PTPRT: variants seen among roughly 807,000 people sequenced by gnomAD.
The protein encoded by PTPRT is protein tyrosine phosphatase receptor type T.
PTPRT carries 56 observed loss-of-function variants against 176.8 expected under a neutral mutation model. The ratio of observed to expected loss-of-function variants is 0.32; its 90% CI spans 0.26 to 0.40. The LOEUF (loss-of-function observed/expected upper bound fraction) is 0.40. PTPRT is among the 10% of genes least tolerant of loss of function. PTPRT has a pLI of 1.00. For missense variants in PTPRT, 1,540 were observed against 1,908.2 expected, an observed-to-expected ratio of 0.81 and a Z score of 3.60; for synonymous variants, 783 against 739.0, an observed-to-expected ratio of 1.06 and a Z score of -0.96.
chr20:42,624,140 C>T (rs560491955), intron 7 of PTPRT, among the ~76,000 whole-genome samples: 96 of 152,120 alleles, frequency 6.3e-4, no homozygotes, highest in Non-Finnish European at 1.3e-3. Context: ...ACTTAACCTA[C>T]CAGCCTTTCA....
intron 1 of PTPRT, among the ~76,000 whole-genome samples, chr20:43,156,502 T>C (rs1343096900): frequency 1.3e-5 from 2 of 152,162 alleles, no homozygotes; most frequent in Non-Finnish European, 2.9e-5. Context: ...GGATGACTAA[T>C]TGGCATCTTG....
At position 42,102,166 on chromosome 20, in the gene PTPRT, C is replaced by T; in HGVS notation, c.3672G>A (p.Val1224=). The part of the protein sequence containing the change: ...LDRCLPFLIS[V]DGESSNYINA... ...TGATGTAATTGCTGGATTCTCCGTC[C>T]ACTGAGATAAGGAAGGGCAGGCAGC... The change falls in exon 26 of 31, where the codon GTG becomes GTA. Residue 1224 remains valine, a synonymous_variant. Transcript: ENST00000373187. 1 of 1,614,168 alleles carries T rather than the reference C, an allele frequency of 6.2e-7. No homozygotes were observed. The highest frequency in any genetic ancestry group is 8.5e-7 in the Non-Finnish European group (1 of 1,180,022).
Position 42,512,488 on chromosome 20 carries a change from A to G in PTPRT, c.1154-39926T>C, listed in dbSNP as rs907582905. Among the ~76,000 whole-genome samples, 51 of 152,176 alleles carry G rather than the reference A, an allele frequency of 3.4e-4. 1 individual carries two copies. The highest frequency in any genetic ancestry group is 1.2e-3 in the African/African-American group (50 of 41,448). On this transcript the variant is annotated intron_variant, in intron 7 of 30. Transcript: ENST00000373187. ...CTTGTCCCATTTTAATTGCTGAGTAATATTCCAACATGAGGATGTACCACA... is the reference window on the plus strand; with the variant it reads ...CTTGTCCCATTTTAATTGCTGAGTAGTATTCCAACATGAGGATGTACCACA...
At chr20:43,005,238 T>C (rs771233657) in intron 1 of PTPRT, among the ~76,000 whole-genome samples, 1 of 152,180 alleles carries the variant, frequency 6.6e-6, no homozygotes, top group Non-Finnish European at 1.5e-5. Context: ...CCGATTCTAA[T>C]GGCCCACGAA....
At chr20:42,095,413 CCT>C (rs1985100498) in intron 27 of PTPRT, among the ~76,000 whole-genome samples, 1 of 152,190 alleles carries the variant, frequency 6.6e-6, no homozygotes, top group Non-Finnish European at 1.5e-5. Flanking sequence ...CTGTGCTGTT[CCT>C]CAAGGGCACC....
intron 6 of PTPRT, among the ~76,000 whole-genome samples, chr20:42,715,478 A>T (rs906182263): frequency 2.3e-4 from 35 of 152,200 alleles, no homozygotes; most frequent in Non-Finnish European, 4.9e-4. Flanking sequence ...AAATAAAAAT[A>T]AAAATCTGAT....
rs369230837 is a variant in PTPRT at position 42,791,317 on chromosome 20, C to T, written c.364G>A (p.Val122Ile). 43 of 1,614,078 alleles carry T rather than the reference C, an allele frequency of 2.7e-5. No homozygotes were observed. Among genetic ancestry groups the T allele is most frequent in the South Asian group, 7.7e-5 (7 of 91,088 alleles). ...RDRSSPGALNVYVKVNGGPQG... is the reference protein window; with the variant it reads ...RDRSSPGALNIYVKVNGGPQG... ...GGGCCACCATTCACCTTCACGTAGA[C>T]GTTCAAGGCCCCTGGGCTGGACCTG... Residue 122 changes from valine (V) to isoleucine (I), a missense_variant, in exon 3 of 31, where the codon GTC (valine) becomes ATC (isoleucine). This residue lies in a region of PTPRT where 273 missense variants were observed against 432.1 expected (regional missense o/e 0.63). Coordinates refer to ENST00000373187, the MANE Select transcript of PTPRT (RefSeq NM_007050.6).
chr20:42,764,987 G>C (rs553390532), intron 5 of PTPRT, among the ~76,000 whole-genome samples: 2 of 152,182 alleles, frequency 1.3e-5, no homozygotes, highest in Non-Finnish European at 2.9e-5. Context: ...TGGGCGAACC[G>C]GCTGCAGTAA....
intron 1 of PTPRT, among the ~76,000 whole-genome samples, chr20:43,090,331 C>G (rs566566847): frequency 9.3e-5 from 14 of 150,342 alleles, no homozygotes; most frequent in Admixed American, 2.6e-4. Context: ...GCAGTGGCGC[C>G]ATCTCAGCTC....
chr20:42,595,851 C>T (rs567407517), intron 7 of PTPRT, among the ~76,000 whole-genome samples: 30 of 152,306 alleles, frequency 2.0e-4, no homozygotes, highest in African/African-American at 6.7e-4. Context: ...TGCCTAGAGA[C>T]AAGGCTGCCC....
At chr20:42,616,945 C>G (rs62203827) in intron 7 of PTPRT, among the ~76,000 whole-genome samples, 2,276 of 129,808 alleles carry the variant, frequency 0.018, 155 homozygotes, top group Middle Eastern at 0.071. Flanking sequence ...TCTCCTGCCT[C>G]ATTGCCCTGG....
At chr20:42,113,232 CAAAGAA>C (rs1170389676) in intron 22 of PTPRT, among the ~76,000 whole-genome samples, 6 of 152,196 alleles carry the variant, frequency 3.9e-5, no homozygotes, top group Non-Finnish European at 8.8e-5. Flanking sequence ...GTTTAAAAGA[CAAAGAA>C]AATGTAACAC....
chr20:42,268,924 T>C (rs1032361129), intron 13 of PTPRT, among the ~76,000 whole-genome samples: 5 of 152,154 alleles, frequency 3.3e-5, no homozygotes, highest in African/African-American at 9.7e-5. Flanking sequence ...ATACCTCCCT[T>C]CCTAGAGAAG....
intron 2 of PTPRT, among the ~76,000 whole-genome samples, chr20:42,841,664 C>G (rs2078281417): frequency 6.9e-6 from 1 of 145,890 alleles, no homozygotes; most frequent in Non-Finnish European, 1.5e-5. Flanking sequence ...CACACATAAT[C>G]TCTCTCTCCA....
Position 42,735,680 on chromosome 20 carries a change from C to A in PTPRT, c.859+20782G>T, listed in dbSNP as rs142983591. ...AAGAGCAATTAGAACAGAAGTCTCC[C>A]AAGAATCGCAAGGAAGGCAGTGGCT... On this transcript the variant is annotated intron_variant, in intron 6 of 30. Transcript: ENST00000373187. Among the ~76,000 whole-genome samples the A allele has an allele frequency of 3.4e-4, 52 of 152,188 alleles. No individual in the cohort carries two copies. The East Asian group carries it at 9.7e-3, about 28-fold the overall frequency.
chr20:42,833,989 C>T (rs997681688), intron 2 of PTPRT, among the ~76,000 whole-genome samples: 2 of 151,968 alleles, frequency 1.3e-5, no homozygotes, highest in African/African-American at 2.4e-5. Context: ...GTGTCATCAT[C>T]CATAAAAGTA....
intron 19 of PTPRT, among the ~76,000 whole-genome samples, chr20:42,126,622 C>G (rs1568953916): frequency 6.6e-6 from 1 of 152,156 alleles, no homozygotes; most frequent in Non-Finnish European, 1.5e-5. Flanking sequence ...CCTTTCCCAC[C>G]AACTTGAAGC....
intron 1 of PTPRT, among the ~76,000 whole-genome samples, chr20:43,072,561 A>G (rs2011195014): frequency 6.6e-6 from 1 of 151,648 alleles, no homozygotes; most frequent in African/African-American, 2.4e-5. Context: ...TGGAAAAAAG[A>G]AAAAAAAACT....
At chr20:42,627,288 AT>A (rs1569030225) in intron 7 of PTPRT, among the ~76,000 whole-genome samples, 1 of 151,078 alleles carries the variant, frequency 6.6e-6, no homozygotes, top group East Asian at 2.0e-4. Flanking sequence ...ATTTTATTTT[AT>A]TTTTTATTTT....
Sources: gnomAD v4.1 joint callset for allele counts (sites outside exome capture counted in the v4.1 genomes callset) on GRCh38, gnomAD v4.1.1 for gene constraint, gnomAD v4.1.1 regional missense constraint, MANE v1.5 for transcripts, NCBI Gene and HGNC (gene_info 2026-07-23, HGNC 2026-07-21) for gene names.